The following GPC6 variants were observed in gnomAD, a reference collection of about 807,000 sequenced individuals.
GPC6 encodes glypican 6.
In GPC6, 14 loss-of-function variants were observed where a neutral mutation model predicts 55.2. The ratio of observed to expected loss-of-function variants is 0.25; its 90% confidence interval spans 0.17 to 0.40. GPC6 has a LOEUF of 0.40. Among genes scored for constraint, GPC6 ranks in the 10% least tolerant of loss-of-function variants. The probability of loss-of-function intolerance (pLI) is 1.00; values close to 1 mark genes in which losing one functional copy is unlikely to be tolerated. For synonymous variants in GPC6, 278 were observed against 259.6 expected (o/e 1.07, Z -0.68); for missense variants, 641 against 708.5 (o/e 0.90, Z 1.08).
intron 6 of GPC6, among the ~76,000 whole-genome samples, chr13:94,374,653 G>GTT (rs1879750202): frequency 6.6e-6 from 1 of 151,434 alleles, no homozygotes; most frequent in Non-Finnish European, 1.5e-5. Flanking sequence ...ACAGTTCAAC[G>GTT]AGACAGAAAG....
intron 1 of GPC6, among the ~76,000 whole-genome samples, chr13:93,519,710 A>G (rs1291417877): frequency 6.6e-6 from 1 of 151,974 alleles, no homozygotes; most frequent in Non-Finnish European, 1.5e-5. Flanking sequence ...AGAAACAGGT[A>G]ACCATTCAAT....
At chr13:93,676,194 TA>T (rs1881624099) in intron 2 of GPC6, among the ~76,000 whole-genome samples, 1 of 124,582 alleles carries the variant, frequency 8.0e-6, no homozygotes, top group African/African-American at 2.9e-5. Flanking sequence ...CACACACATA[TA>T]TATGTATGTA....
chr13:93,829,528 C>T (rs1887401004), intron 2 of GPC6, among the ~76,000 whole-genome samples: 2 of 152,070 alleles, frequency 1.3e-5, no homozygotes, highest in Non-Finnish European at 1.5e-5. Flanking sequence ...TAATGATAAT[C>T]CAAGATACTT....
intron 4 of GPC6, among the ~76,000 whole-genome samples, chr13:94,265,622 C>G (rs1290261922): frequency 1.3e-5 from 2 of 152,008 alleles, no homozygotes; most frequent in Non-Finnish European, 2.9e-5. Context: ...TTAACCATCA[C>G]AGGGAGAAAG....
At chr13:93,906,294 A>T (rs1876663922) in intron 3 of GPC6, among the ~76,000 whole-genome samples, 1 of 152,194 alleles carries the variant, frequency 6.6e-6, no homozygotes, top group Non-Finnish European at 1.5e-5. Context: ...CCAAGAGACC[A>T]GCCCTCACTG....
At chr13:94,326,986 C>T (rs1211197801) in intron 6 of GPC6, among the ~76,000 whole-genome samples, 2 of 152,210 alleles carry the variant, frequency 1.3e-5, no homozygotes, top group South Asian at 2.1e-4. Flanking sequence ...ATTTTATCAA[C>T]AATAACGTTC....
rs1200781328 is a variant in GPC6 at position 93,368,321 on chromosome 13, T to TTCCCTCCC, written c.160+140711_160+140718dup. 3.2e-3 allele frequency among the ~76,000 whole-genome samples: 329 copies of TTCCCTCCC among 104,026 alleles called. 1 individual carries two copies. The highest frequency in any genetic ancestry group is 4.9e-3 in the Middle Eastern group (1 of 204). 68.2% of individuals were successfully genotyped at this position (104,026 alleles called of 152,430 possible). A position where few individuals can be genotyped will look rare whatever the true frequency, so the allele number is the denominator to read the frequency against. On this transcript the variant is annotated intron_variant, in intron 1 of 8. Transcript: ENST00000377047. ...CCTCTCTCCTTCCCTCCTTCCCTCC[T>TTCCCTCCC]TCCCTCCCTCCCTGCTTTCCTTCCT...
chr13:94,185,909 A>C (rs1000132991), intron 4 of GPC6, among the ~76,000 whole-genome samples: 1 of 151,904 alleles, frequency 6.6e-6, no homozygotes, highest in African/African-American at 2.4e-5. Flanking sequence ...AAATACAAAA[A>C]ATTAGCCGGG....
chr13:94,319,775 T>C (rs1418817522), intron 6 of GPC6, among the ~76,000 whole-genome samples: 1 of 152,206 alleles, frequency 6.6e-6, no homozygotes, highest in Non-Finnish European at 1.5e-5. Context: ...TTTTAAGTAA[T>C]CTGTATTTTC....
At chr13:94,246,259 T>C (rs1184990011) in intron 4 of GPC6, among the ~76,000 whole-genome samples, 1 of 152,142 alleles carries the variant, frequency 6.6e-6, no homozygotes, top group Non-Finnish European at 1.5e-5. Context: ...TCTTGGATAT[T>C]AAGCCCTTAT....
chr13:93,580,742 A>T (rs1876895648), intron 2 of GPC6, among the ~76,000 whole-genome samples: 1 of 152,194 alleles, frequency 6.6e-6, no homozygotes, highest in Non-Finnish European at 1.5e-5. Context: ...TATCCTTGGA[A>T]TATAATTTTT....
intron 5 of GPC6, among the ~76,000 whole-genome samples, chr13:94,292,598 G>GTATC (rs1875045367): frequency 1.3e-5 from 2 of 151,828 alleles, no homozygotes; most frequent in Non-Finnish European, 2.9e-5. Flanking sequence ...TATCTCTTAT[G>GTATC]TATCTTTTTT....
chr13:93,560,161 T>C (rs1225566248), intron 2 of GPC6, among the ~76,000 whole-genome samples: 1 of 152,088 alleles, frequency 6.6e-6, no homozygotes, highest in Non-Finnish European at 1.5e-5. Context: ...GAATGAAACA[T>C]ATTTTAAGGG....
intron 2 of GPC6, among the ~76,000 whole-genome samples, chr13:93,674,941 A>G (rs1000827342): frequency 4.6e-5 from 7 of 152,202 alleles, no homozygotes; most frequent in Admixed American, 6.6e-5. Context: ...GTCTAAAAAG[A>G]AAAGGTGTTG....
At chr13:93,322,864 G>A (rs900912700) in intron 1 of GPC6, among the ~76,000 whole-genome samples, 7 of 151,980 alleles carry the variant, frequency 4.6e-5, no homozygotes, top group African/African-American at 1.5e-4. Flanking sequence ...AGGTATACGC[G>A]TGCCATGGTG....
chr13:93,901,101 A>T (rs1236122743), intron 3 of GPC6, among the ~76,000 whole-genome samples: 1 of 152,178 alleles, frequency 6.6e-6, no homozygotes, highest in Non-Finnish European at 1.5e-5. Flanking sequence ...TCATATTTGC[A>T]GTTTTAAAAA....
At chr13:93,272,801 C>T (rs1877582397) in intron 1 of GPC6, among the ~76,000 whole-genome samples, 1 of 152,104 alleles carries the variant, frequency 6.6e-6, no homozygotes, top group African/African-American at 2.4e-5. Flanking sequence ...TATGCCTGTG[C>T]CTATCCATTG....
intron 3 of GPC6, among the ~76,000 whole-genome samples, chr13:94,014,044 T>C (rs1403797063): frequency 6.6e-6 from 1 of 152,244 alleles, no homozygotes; most frequent in Non-Finnish European, 1.5e-5. Flanking sequence ...TTGTCATCCA[T>C]GTAGGGAACA....
chr13:94,051,515 G>A lies in GPC6; in HGVS notation c.877+23621G>A, dbSNP rs182054383. On this transcript the variant is annotated intron_variant, in intron 4 of 8. Coordinates refer to ENST00000377047, the MANE Select transcript of GPC6 (RefSeq NM_005708.5). ...CAGCTTGGTTTGTGTTTCCCAAGATGCAGAGCACTTTACGAGAGTATGTAT... is the reference window on the plus strand; with the variant it reads ...CAGCTTGGTTTGTGTTTCCCAAGATACAGAGCACTTTACGAGAGTATGTAT... 7.2e-4 allele frequency among the ~76,000 whole-genome samples: 109 copies of A among 152,244 alleles called. No homozygotes were observed. The Middle Eastern group carries it at 0.01, about 14-fold the overall frequency.
Sources: gnomAD v4.1 joint callset for allele counts (sites outside exome capture counted in the v4.1 genomes callset) on GRCh38, gnomAD v4.1.1 for gene constraint, MANE v1.5 for transcripts, NCBI Gene and HGNC (gene_info 2026-07-23, HGNC 2026-07-21) for gene names.